LRRC4C: variants seen among roughly 807,000 people sequenced by gnomAD.
LRRC4C encodes leucine rich repeat containing 4C.
LRRC4C carries 5 observed loss-of-function variants against 33.6 expected under a neutral mutation model. That is an observed-to-expected ratio of 0.15 (90% CI 0.08 to 0.31). The LOEUF is 0.31. LRRC4C is among the 10% of genes least tolerant of loss of function. The pLI, the probability that LRRC4C is intolerant of heterozygous loss-of-function variation, is 1.00. For synonymous variants in LRRC4C, 329 were observed against 302.0 expected (o/e 1.09, Z -0.93); for missense variants, 560 against 796.7 (o/e 0.70, Z 3.58).
At position 41,047,789 on chromosome 11, in the gene LRRC4C, G is replaced by T. The variant is rs559998300; in HGVS notation, c.-495-114066C>A. Among the ~76,000 whole-genome samples the T allele has an allele frequency of 1.3e-4, 20 of 152,088 alleles. No homozygotes were observed. The South Asian group carries it at 3.9e-3, about 30-fold the overall frequency. On this transcript the variant is annotated intron_variant, in intron 1 of 6. Transcript: ENST00000528697. ...AACTATTCTCCTTGAAGTCTTTTAT[G>T]TTCCAAGAAAAATAAAATTTCCCCA...
intron 5 of LRRC4C, among the ~76,000 whole-genome samples, chr11:40,181,713 A>T (rs1861017838): frequency 6.6e-6 from 1 of 152,218 alleles, no homozygotes; most frequent in South Asian, 2.1e-4. Context: ...TTTCTGGTCC[A>T]TTCTTACCCA....
intron 2 of LRRC4C, among the ~76,000 whole-genome samples, chr11:40,703,323 A>T (rs1023605941): frequency 1.3e-5 from 2 of 152,244 alleles, no homozygotes; most frequent in African/African-American, 4.8e-5. Flanking sequence ...GAAATGGTCA[A>T]GTAGCCGTGA....
At chr11:40,671,728 A>T (rs1944129362) in intron 2 of LRRC4C, among the ~76,000 whole-genome samples, 1 of 111,116 alleles carries the variant, frequency 9.0e-6, no homozygotes, top group African/African-American at 3.1e-5. Flanking sequence ...AAATAGTAAT[A>T]TATAATTATC....
intron 1 of LRRC4C, among the ~76,000 whole-genome samples, chr11:41,172,684 C>T (rs192607362): frequency 2.6e-5 from 4 of 152,258 alleles, no homozygotes; most frequent in East Asian, 3.9e-4. Context: ...AGCTAAACAT[C>T]GTGCCTATGG....
At chr11:40,209,660 A>G (rs765826814) in intron 5 of LRRC4C, among the ~76,000 whole-genome samples, 4 of 152,156 alleles carry the variant, frequency 2.6e-5, no homozygotes, top group African/African-American at 4.8e-5. Flanking sequence ...CTCATGCCTC[A>G]GCCTCCCAAG....
At position 40,114,661 on chromosome 11, in the gene LRRC4C, C is replaced by T. The variant is rs1422170438; in HGVS notation, c.1632G>A (p.Leu544=). ...GCTTCCTCATCTTGTAGAAAATGAC[C>T]AGCATCACTGCAGCCATGAGTGTGA... The part of the protein sequence containing the change: ...VAITLMAAVM[L]VIFYKMRKQH... The change falls in exon 7 of 7, where the codon CTG becomes CTA. Residue 544 remains leucine (L), a synonymous_variant. Transcript: ENST00000528697. 6.2e-7 allele frequency: 1 copy of T among 1,613,966 alleles called. No individual in the cohort carries two copies. Among genetic ancestry groups the T allele is most frequent in the Non-Finnish European group, 8.5e-7 (1 of 1,180,014 alleles).
At chr11:40,455,116 G>A (rs1565405581) in intron 3 of LRRC4C, among the ~76,000 whole-genome samples, 2 of 152,124 alleles carry the variant, frequency 1.3e-5, no homozygotes, top group African/African-American at 4.8e-5. Flanking sequence ...AAGAGTAAGT[G>A]AGCGCCAAAA....
At position 40,603,412 on chromosome 11, in the gene LRRC4C, G is replaced by A. The variant is rs1446485408; in HGVS notation, c.-270+44730C>T. ...GGTTGGCTTTTGAACTAATATTCAA[G>A]TGAGTTTAATTCCCAGCAACAGTAC... is the stretch of plus-strand genomic sequence containing the variant. On this transcript the variant is annotated intron_variant, in intron 3 of 6. Coordinates refer to ENST00000528697, the MANE Select transcript of LRRC4C (RefSeq NM_001258419.2). Among the ~76,000 whole-genome samples, 4 of 152,198 alleles carry A rather than the reference G, an allele frequency of 2.6e-5. 1 individual carries two copies. In the East Asian group the frequency reaches 7.7e-4, roughly 29 times the overall value.
chr11:41,122,123 C>T (rs79259209), intron 1 of LRRC4C, among the ~76,000 whole-genome samples: 2 of 151,978 alleles, frequency 1.3e-5, no homozygotes, highest in Non-Finnish European at 2.9e-5. Context: ...ATAAAAAAAC[C>T]TTGAACCAAA....
chr11:40,702,067 C>T (rs1311328262), intron 2 of LRRC4C, among the ~76,000 whole-genome samples: 1 of 151,790 alleles, frequency 6.6e-6, no homozygotes, highest in Non-Finnish European at 1.5e-5. Flanking sequence ...TTAAGTGATA[C>T]CATATCTGTT....
intron 3 of LRRC4C, among the ~76,000 whole-genome samples, chr11:40,608,512 G>A (rs1367718677): frequency 2.0e-5 from 3 of 151,746 alleles, no homozygotes; most frequent in African/African-American, 7.3e-5. Context: ...AAACAATTGA[G>A]AAAATAACAA....
intron 1 of LRRC4C, among the ~76,000 whole-genome samples, chr11:40,979,090 T>G (rs1852310223): frequency 6.6e-6 from 1 of 152,184 alleles, no homozygotes; most frequent in Non-Finnish European, 1.5e-5. Flanking sequence ...TGATCAACTA[T>G]CCCTCAATCT....
chr11:40,916,478 G>T (rs191654373), intron 2 of LRRC4C, among the ~76,000 whole-genome samples: 2 of 152,054 alleles, frequency 1.3e-5, no homozygotes, highest in African/African-American at 4.8e-5. Context: ...GTTCTCACTC[G>T]TAGGTGGGAA....
At chr11:40,374,812 C>A (rs1948593978) in intron 3 of LRRC4C, among the ~76,000 whole-genome samples, 1 of 152,066 alleles carries the variant, frequency 6.6e-6, no homozygotes, top group Non-Finnish European at 1.5e-5. Flanking sequence ...CAATGAATTT[C>A]AACATCCTAC....
At chr11:40,218,925 A>G (rs149976989) in intron 5 of LRRC4C, among the ~76,000 whole-genome samples, 108 of 152,088 alleles carry the variant, frequency 7.1e-4, no homozygotes, top group African/African-American at 2.5e-3. Flanking sequence ...GTACTTCCCA[A>G]TCCCTCTGCC....
At chr11:40,844,932 C>G (rs879501450) in intron 2 of LRRC4C, among the ~76,000 whole-genome samples, 2 of 151,918 alleles carry the variant, frequency 1.3e-5, no homozygotes, top group Non-Finnish European at 2.9e-5. Context: ...TGTACACATA[C>G]TTTCTTTTTG....
At chr11:41,089,125 T>C (rs1183203475) in intron 1 of LRRC4C, among the ~76,000 whole-genome samples, 1 of 152,106 alleles carries the variant, frequency 6.6e-6, no homozygotes, top group East Asian at 1.9e-4. Context: ...AGGGTCCCCA[T>C]AGACCAGGAA....
At position 41,073,281 on chromosome 11, in the gene LRRC4C, G is replaced by A. The variant is rs562111343; in HGVS notation, c.-495-139558C>T. On this transcript the variant is annotated intron_variant, in intron 1 of 6. Coordinates refer to ENST00000528697, the MANE Select transcript of LRRC4C (RefSeq NM_001258419.2). ...GCAGAAGGAAAAGGGGAGCCAGTGC[G>A]TGCAGAGATCACATAATGAGAAAGG... Among the ~76,000 whole-genome samples, 45 of 152,210 alleles carry A rather than the reference G, an allele frequency of 3.0e-4. 1 individual carries two copies. Among genetic ancestry groups the A allele is most frequent in the Non-Finnish European group, 4.3e-4 (29 of 68,008 alleles).
At chr11:40,140,283 A>G (rs1455018989) in intron 6 of LRRC4C, among the ~76,000 whole-genome samples, 4 of 152,194 alleles carry the variant, frequency 2.6e-5, no homozygotes, top group East Asian at 3.9e-4. Context: ...CTCTGCAGGT[A>G]GAACTACCAC....
Sources: allele counts gnomAD v4.1 joint callset (sites outside exome capture counted in the v4.1 genomes callset), GRCh38; gene constraint gnomAD v4.1.1; transcripts MANE v1.5; gene names NCBI Gene and HGNC (gene_info 2026-07-23, HGNC 2026-07-21).